TMEM131L: variants seen among roughly 807,000 people sequenced by gnomAD.
TMEM131L encodes transmembrane protein 131-like.
Under a neutral mutation model 192.2 loss-of-function variants are expected in TMEM131L, and 54 were observed. The ratio of observed to expected loss-of-function variants is 0.28; its 90% CI spans 0.23 to 0.35. The LOEUF (loss-of-function observed/expected upper bound fraction) is 0.35. TMEM131L is among the 10% of genes least tolerant of loss of function. The pLI, the probability that TMEM131L is intolerant of heterozygous loss-of-function variation, is 1.00. For missense variants in TMEM131L, 1,888 were observed against 1,972.9 expected, an observed-to-expected ratio of 0.96 and a Z score of 0.82; for synonymous variants, 701 against 704.9, an observed-to-expected ratio of 0.99 and a Z score of 0.09.
chr4:153,603,488 G>A (rs762813424), intron 24 of TMEM131L, 36 bp downstream of exon 24: 44 of 1,575,082 alleles, frequency 2.8e-5, no homozygotes, highest in Non-Finnish European at 3.4e-5. Context: ...GAGCGGGGGC[G>A]GTTTCTCACT....
chr4:153,546,154 G>A (rs554543702), intron 3 of TMEM131L, among the ~76,000 whole-genome samples: 3 of 151,754 alleles, frequency 2.0e-5, no homozygotes, highest in Non-Finnish European at 2.9e-5. Flanking sequence ...TCCTCTTAAA[G>A]TGCGGGGATT....
At chr4:153,603,727 C>G (rs1578846475) in intron 24 of TMEM131L, 75 bp from the exon 25 acceptor site, 5 of 1,448,168 alleles carry the variant, frequency 3.5e-6, no homozygotes, top group Non-Finnish European at 4.7e-6. Context: ...ACCCTTTTCT[C>G]ATGGATATGG....
At chr4:153,491,799 C>T (rs1012189921) in intron 3 of TMEM131L, among the ~76,000 whole-genome samples, 3 of 152,050 alleles carry the variant, frequency 2.0e-5, no homozygotes, top group Non-Finnish European at 4.4e-5. Flanking sequence ...CTCAGACTCC[C>T]GGGCTCAAGC....
intron 7 of TMEM131L, among the ~76,000 whole-genome samples, chr4:153,565,651 TAC>T (rs975870649): frequency 1.4e-4 from 22 of 152,312 alleles, no homozygotes; most frequent in African/African-American, 4.6e-4. Flanking sequence ...TAAATGCAAA[TAC>T]AGTGTTCTCT....
chr4:153,557,008 T>A lies in TMEM131L; in HGVS notation c.475T>A (p.Leu159Ile), dbSNP rs143281369. Reference protein sequence around the residue: ...MGKTSFRIIFLPTEEGSIESS... With the variant: ...MGKTSFRIIFIPTEEGSIESS... ...GAAAACTTCCTTCAGAATTATTTTCTTACCTACTGAAGAAGGAAGCATTGA... is the reference window on the plus strand; with the variant it reads ...GAAAACTTCCTTCAGAATTATTTTCATACCTACTGAAGAAGGAAGCATTGA... The change falls in exon 6 of 35, where the codon TTA (leucine) becomes ATA (isoleucine). Residue 159 changes from leucine (L) to isoleucine (I), a missense_variant. Physicochemically the swap from Leu to Ile is conservative, Grantham distance 5. Coordinates refer to ENST00000409959, the MANE Select transcript of TMEM131L (RefSeq NM_001131007.2). The A allele has an allele frequency of 1.8e-5, 29 of 1,603,056 alleles. No homozygotes were observed. The highest frequency in any genetic ancestry group is 2.5e-5 in the Non-Finnish European group (29 of 1,171,050).
intron 25 of TMEM131L, among the ~76,000 whole-genome samples, chr4:153,606,593 G>A (rs373404980): frequency 2.0e-5 from 3 of 152,190 alleles, no homozygotes; most frequent in African/African-American, 2.4e-5. Flanking sequence ...TTTAATAAGC[G>A]TGAGTAAATT....
chr4:153,524,119 T>C (rs1735305872), intron 3 of TMEM131L, among the ~76,000 whole-genome samples: 1 of 151,016 alleles, frequency 6.6e-6, no homozygotes, highest in Non-Finnish European at 1.5e-5. Flanking sequence ...GTCTTTCCCA[T>C]GTTTCACTTC....
In TMEM131L at chr4:153,604,156, C is replaced by T. The variant is rs914566075; in HGVS notation, c.3144C>T (p.Thr1048=). 3 of 1,613,992 alleles carry T rather than the reference C, an allele frequency of 1.9e-6. No individual in the cohort carries two copies. The highest frequency in any genetic ancestry group is 1.3e-5 in the African/African-American group (1 of 74,916). Residue 1048 remains threonine (T), a synonymous_variant, in exon 25 of 35, where the codon ACC becomes ACT. Coordinates refer to ENST00000409959, the MANE Select transcript of TMEM131L (RefSeq NM_001131007.2). ...GINVNLQKNL[T]LPKNLLNKEE... ...ATGTCAACCTGCAGAAGAATTTAAC[C>T]CTTCCCAAAAACTTACTGAATAAAG...
intron 2 of TMEM131L, among the ~76,000 whole-genome samples, chr4:153,472,664 G>T (rs1449999020): frequency 2.6e-5 from 4 of 152,196 alleles, no homozygotes; most frequent in Non-Finnish European, 5.9e-5. Flanking sequence ...GTTGTGTGGT[G>T]GCAATGTGGG....
intron 20 of TMEM131L, among the ~76,000 whole-genome samples, chr4:153,598,152 A>G (rs1731577175): frequency 6.6e-6 from 1 of 152,192 alleles, no homozygotes; most frequent in Admixed American, 6.5e-5. Context: ...TACGATTACT[A>G]TGAAAACACC....
chr4:153,481,654 G>C (rs972238397), intron 3 of TMEM131L, among the ~76,000 whole-genome samples: 30 of 152,164 alleles, frequency 2.0e-4, no homozygotes, highest in Non-Finnish European at 1.5e-5. Flanking sequence ...TCCAACCTCA[G>C]CCTCTTGAGT....
chr4:153,626,583 C>A (rs1733858057), intron 30 of TMEM131L, among the ~76,000 whole-genome samples: 6 of 152,164 alleles, frequency 3.9e-5, no homozygotes, highest in Admixed American at 3.9e-4. Flanking sequence ...TAATGAAACT[C>A]CATCTCTAAA....
intron 3 of TMEM131L, among the ~76,000 whole-genome samples, chr4:153,549,452 C>T (rs1461931054): frequency 6.6e-6 from 1 of 152,084 alleles, no homozygotes; most frequent in Admixed American, 6.6e-5. Flanking sequence ...GTTTATATGT[C>T]ATGTATCTTT....
At chr4:153,531,943 C>T (rs142895596) in intron 3 of TMEM131L, among the ~76,000 whole-genome samples, 3 of 152,208 alleles carry the variant, frequency 2.0e-5, no homozygotes, top group African/African-American at 4.8e-5. Context: ...CCCTTCTCTT[C>T]ATCTTCTGGC....
intron 26 of TMEM131L, among the ~76,000 whole-genome samples, chr4:153,616,488 G>A (rs113097678): frequency 7.9e-4 from 120 of 152,244 alleles, no homozygotes; most frequent in African/African-American, 2.4e-3. Context: ...TATAATACAC[G>A]TGGAACATTC....
At chr4:153,606,948 A>G (rs1374466998) in intron 25 of TMEM131L, among the ~76,000 whole-genome samples, 3 of 152,262 alleles carry the variant, frequency 2.0e-5, no homozygotes, top group Non-Finnish European at 2.9e-5. Context: ...GTACATGGAC[A>G]TGCATTTTGT....
rs1224757174 is a variant in TMEM131L, at chr4:153,555,669, C to G, written c.309-118C>G. On this transcript the variant is annotated intron_variant, in intron 4 of 34. Coordinates refer to ENST00000409959, the MANE Select transcript of TMEM131L (RefSeq NM_001131007.2). The surrounding 1 kb of genome is among the most constrained non-coding windows in gnomAD (Gnocchi z 4.1). Reference sequence around the variant, plus strand: ...TTGGATAATTTAACTTTGTGATGAACAGCAACAGCTTTCTGGGTTTAAAAA... The same window carrying G: ...TTGGATAATTTAACTTTGTGATGAAGAGCAACAGCTTTCTGGGTTTAAAAA... 22 of 794,546 alleles carry G rather than the reference C, an allele frequency of 2.8e-5. No homozygotes were observed. The highest frequency in any genetic ancestry group is 4.0e-5 in the Non-Finnish European group (22 of 543,518). The allele number at this position is 794,546 out of a possible 1,614,324, so 49.2% of individuals were successfully genotyped here. A position where few individuals can be genotyped will look rare whatever the true frequency, so the allele number is the denominator to read the frequency against.
intron 15 of TMEM131L, among the ~76,000 whole-genome samples, chr4:153,588,597 AAT>A (rs1444219125): frequency 4.0e-5 from 6 of 151,862 alleles, no homozygotes; most frequent in Admixed American, 3.9e-4. Context: ...AGCTGTTAAA[AAT>A]GTTCCAAGTA....
chr4:153,580,877 CATA>C lies in TMEM131L; in HGVS notation c.717_719del (p.Asn239del), dbSNP rs1188564345. The C allele has an allele frequency of 6.2e-7, 1 of 1,610,806 alleles. No individual in the cohort carries two copies. The highest frequency in any genetic ancestry group is 1.7e-5 in the Admixed American group (1 of 60,012). ...GCAGGTGCAACTGGAATGCAGTTTA[CATA>C]ATAAAGTGTGTCAGCAATTAAAGGT... On this transcript the variant is annotated inframe_deletion, in exon 8 of 35. Coordinates refer to ENST00000409959, the MANE Select transcript of TMEM131L (RefSeq NM_001131007.2).
Sources: gnomAD v4.1 joint callset for allele counts (sites outside exome capture counted in the v4.1 genomes callset) on GRCh38, gnomAD v4.1.1 for gene constraint, Gnocchi (gnomAD v3.1) non-coding constraint, MANE v1.5 for transcripts, NCBI Gene and HGNC (gene_info 2026-07-23, HGNC 2026-07-21) for gene names.